PCDHGB2: variants seen among roughly 807,000 people sequenced by gnomAD.
PCDHGB2 encodes protocadherin gamma subfamily B, 2.
A neutral mutation model predicts 59.3 loss-of-function variants in PCDHGB2; 55 were observed. The ratio of observed to expected loss-of-function variants is 0.93; its 90% confidence interval spans 0.75 to 1.16. PCDHGB2 has a LOEUF of 1.16. Among genes scored for constraint, PCDHGB2 ranks in the 50% most tolerant of loss-of-function variants. The pLI is 0.00. For synonymous variants in PCDHGB2, 516 were observed against 512.0 expected, an observed-to-expected ratio of 1.01 and a Z score of -0.11; for missense variants, 1,228 against 1,198.5, an observed-to-expected ratio of 1.02 and a Z score of -0.36.
intron 1 of PCDHGB2, chr5:141,418,637 T>C: frequency 6.2e-7 from 1 of 1,613,998 alleles, no homozygotes; most frequent in Non-Finnish European, 8.5e-7. Context: ...TCCAGGCACC[T>C]CCATCCTGAG....
chr5:141,485,434 G>A lies in PCDHGB2; in HGVS notation c.2422-9373G>A. The A allele has an allele frequency of 6.2e-7, 1 of 1,614,166 alleles. No individual in the cohort carries two copies. The highest frequency in any genetic ancestry group is 8.5e-7 in the Non-Finnish European group (1 of 1,180,018). On this transcript the variant is annotated intron_variant, in intron 1 of 3. Coordinates refer to ENST00000522605, the MANE Select transcript of PCDHGB2 (RefSeq NM_018923.3). This position sits in a 1 kb window ranked among gnomAD's most constrained non-coding sequence, Gnocchi z 5.7. ...TGGACAGCGGAGCCCTGCTCATCAA[G>A]AACCCAATCGACCGAGAGGCACTGT...
chr5:141,374,187 T>C (rs1770247069), intron 1 of PCDHGB2: 2 of 1,613,640 alleles, frequency 1.2e-6, no homozygotes, highest in Non-Finnish European at 1.7e-6. Context: ...CGCTACTCTA[T>C]TCCCGAGGAG....
intron 1 of PCDHGB2, 180 bp downstream of exon 1, chr5:141,362,736 AC>A: frequency 1.3e-6 from 1 of 764,592 alleles, no homozygotes; most frequent in Non-Finnish European, 2.0e-6. Flanking sequence ...AGATTTATTT[AC>A]CCATGATTGC....
intron 1 of PCDHGB2, chr5:141,403,465 G>C (rs1268345736): frequency 6.2e-7 from 1 of 1,614,018 alleles, no homozygotes; most frequent in Non-Finnish European, 8.5e-7. Context: ...AGAGCTACCA[G>C]CTCAGCCCCA....
Position 141,477,918 on chromosome 5 carries a change from G to A in PCDHGB2, c.2422-16889G>A. 1 of 1,614,154 alleles carries A rather than the reference G, an allele frequency of 6.2e-7. No individual in the cohort carries two copies. Among genetic ancestry groups the A allele is most frequent in the Admixed American group, 1.7e-5 (1 of 60,026 alleles). ...GTGGTAGGCTGGGACGCGGATGCAG[G>A]GCACAATGCCTGGCTCTCCTACAGT... is the stretch of plus-strand genomic sequence containing the variant. On this transcript the variant is annotated intron_variant, in intron 1 of 3. Coordinates refer to ENST00000522605, the MANE Select transcript of PCDHGB2 (RefSeq NM_018923.3). The surrounding 1 kb of genome is among the most constrained non-coding windows in gnomAD (Gnocchi z 4.9).
At chr5:141,479,561 G>A (rs1032137833) in intron 1 of PCDHGB2, 1 of 152,270 alleles carries the variant, frequency 6.6e-6, no homozygotes, top group African/African-American at 2.4e-5. Context: ...CTATCCAGTA[G>A]TGGGATGACA....
intron 1 of PCDHGB2, among the ~76,000 whole-genome samples, chr5:141,461,288 A>G (rs1049761514): frequency 2.0e-5 from 3 of 152,092 alleles, no homozygotes; most frequent in Admixed American, 1.3e-4. Flanking sequence ...CCCCACATCC[A>G]CACCAACATC....
chr5:141,432,715 C>T lies in PCDHGB2; in HGVS notation c.2422-62092C>T. 1 of 1,613,996 alleles carries T rather than the reference C, an allele frequency of 6.2e-7. No individual in the cohort carries two copies. The highest frequency in any genetic ancestry group is 8.5e-7 in the Non-Finnish European group (1 of 1,179,970). ...TGGCCGTCCAGGACCACGGCCAGCC[C>T]CCTCTCTCCGCCACTGTCACGCTCA... On this transcript the variant is annotated intron_variant, in intron 1 of 3. Transcript: ENST00000522605. This position sits in a 1 kb window ranked among gnomAD's most constrained non-coding sequence, Gnocchi z 6.0.
intron 1 of PCDHGB2, chr5:141,421,833 C>A: frequency 6.2e-7 from 1 of 1,613,756 alleles, no homozygotes; most frequent in South Asian, 1.1e-5. Context: ...GAAGCCTGGA[C>A]CGAGAGAAAG....
intron 1 of PCDHGB2, chr5:141,382,975 G>C (rs1459980689): frequency 6.2e-7 from 1 of 1,610,700 alleles, no homozygotes; most frequent in Non-Finnish European, 8.5e-7. Context: ...CCCCTGGGAA[G>C]CCTGGGCAGG....
chr5:141,437,307 G>A (rs1172152732), intron 1 of PCDHGB2, among the ~76,000 whole-genome samples: 7 of 152,120 alleles, frequency 4.6e-5, no homozygotes, highest in South Asian at 2.1e-4. Context: ...AAGTTAAAGC[G>A]TTCAGCTATA....
At chr5:141,392,870 G>T (rs757363357) in intron 1 of PCDHGB2, 8 of 1,613,226 alleles carry the variant, frequency 5.0e-6, no homozygotes, top group Non-Finnish European at 6.8e-6. Context: ...TGTGCGCGCT[G>T]CTGGGAACGC....
chr5:141,465,454 T>A (rs1031876441), intron 1 of PCDHGB2, among the ~76,000 whole-genome samples: 1 of 152,184 alleles, frequency 6.6e-6, no homozygotes, highest in Non-Finnish European at 1.5e-5. Flanking sequence ...AAGAAAACTC[T>A]CACCAAATTG....
At position 141,505,514 on chromosome 5, in the gene PCDHGB2, G is replaced by A. The variant is rs758026551; in HGVS notation, c.2569+33G>A. The A allele has an allele frequency of 1.2e-5, 20 of 1,613,682 alleles. No homozygotes were observed. The South Asian group carries it at 1.8e-4, about 14-fold the overall frequency. ...GTGTCAGTGTGTGTATGGAAGAGTGGGAGACCTGGGGTTCTGGGGTGCATC... is the reference window on the plus strand; with the variant it reads ...GTGTCAGTGTGTGTATGGAAGAGTGAGAGACCTGGGGTTCTGGGGTGCATC... On this transcript the variant is annotated intron_variant, in intron 3 of 3. Transcript: ENST00000522605.
intron 1 of PCDHGB2, chr5:141,379,714 A>G (rs1315727028): frequency 6.6e-6 from 1 of 152,154 alleles, no homozygotes; most frequent in African/African-American, 2.4e-5. Flanking sequence ...CCTGGCAGTC[A>G]TGGAATTTGC....
Position 141,476,659 on chromosome 5 carries a change from G to C in PCDHGB2, c.2422-18148G>C. On this transcript the variant is annotated intron_variant, in intron 1 of 3. Transcript: ENST00000522605. This position sits in a 1 kb window ranked among gnomAD's most constrained non-coding sequence, Gnocchi z 7.6. ...AGCTGAGCCGAAATGAATACTTTGCGCTTCGCGTGCAGACGCGGGAGGACA... is the reference window on the plus strand; with the variant it reads ...AGCTGAGCCGAAATGAATACTTTGCCCTTCGCGTGCAGACGCGGGAGGACA... 1 of 1,614,252 alleles carries C rather than the reference G, an allele frequency of 6.2e-7. No individual in the cohort carries two copies. The highest frequency in any genetic ancestry group is 8.5e-7 in the Non-Finnish European group (1 of 1,180,048).
chr5:141,375,862 G>A (rs759161440), intron 1 of PCDHGB2: 2 of 1,613,976 alleles, frequency 1.2e-6, no homozygotes, highest in Admixed American at 1.7e-5. Context: ...AGGTGGTGGC[G>A]GTGGACAGAG....
intron 1 of PCDHGB2, chr5:141,419,828 AC>A (rs1189387492): frequency 6.2e-7 from 1 of 1,614,022 alleles, no homozygotes; most frequent in Non-Finnish European, 8.5e-7. Flanking sequence ...CCTTTCAGCC[AC>A]TGCCACGCTG....
rs755576652 is a variant in PCDHGB2 at position 141,410,511 on chromosome 5, G to A, written c.2421+47955G>A. 4.3e-6 allele frequency: 7 copies of A among 1,613,942 alleles called. No individual in the cohort carries two copies. In the Admixed American group the frequency reaches 8.3e-5, roughly 19 times the overall value. On this transcript the variant is annotated intron_variant, in intron 1 of 3. Transcript: ENST00000522605. ...AAAGAGTTTAATTTCCTAAAATGCA[G>A]TGTGCCCCTACATTCCAATGAAGAC... is the stretch of plus-strand genomic sequence containing the variant.
Sources: allele counts gnomAD v4.1 joint callset (sites outside exome capture counted in the v4.1 genomes callset), GRCh38; gene constraint gnomAD v4.1.1; non-coding constraint Gnocchi (gnomAD v3.1); transcripts MANE v1.5; gene names NCBI Gene and HGNC (gene_info 2026-07-23, HGNC 2026-07-21).